KIRREL3: variants seen among roughly 807,000 people sequenced by gnomAD.
The protein encoded by KIRREL3 is kirre like nephrin family adhesion molecule 3, also known as kin of IRRE-like protein 3.
Under a neutral mutation model 89.7 loss-of-function variants are expected in KIRREL3, and 36 were observed. The observed-to-expected ratio is 0.40, with a 90% confidence interval of 0.31 to 0.53. The LOEUF is 0.53. Ranked by LOEUF, KIRREL3 falls within the 20% of genes least tolerant of loss-of-function variation. The probability of loss-of-function intolerance (pLI) is 0.49; values close to 1 mark genes in which losing one functional copy is unlikely to be tolerated. For synonymous variants in KIRREL3, 445 were observed against 441.4 expected (o/e 1.01, Z -0.10); for missense variants, 864 against 1,056.6 (o/e 0.82, Z 2.53).
intron 1 of KIRREL3, among the ~76,000 whole-genome samples, chr11:126,848,951 C>T (rs950644867): frequency 6.6e-6 from 1 of 152,156 alleles, no homozygotes; most frequent in African/African-American, 2.4e-5. Flanking sequence ...TAAGAGTTCT[C>T]TTATAAAAGG....
rs1280447079 is a variant in KIRREL3, at chr11:126,715,099, C to T, written c.56-152187G>A. ...CTAATGATCAGGTTCTTGTGCAAGCCTGTGACACTTTCACCTTGTGACAAT... is the reference window on the plus strand; with the variant it reads ...CTAATGATCAGGTTCTTGTGCAAGCTTGTGACACTTTCACCTTGTGACAAT... On this transcript the variant is annotated intron_variant, in intron 1 of 16. Coordinates refer to ENST00000525144, the MANE Select transcript of KIRREL3 (RefSeq NM_032531.4). The surrounding 1 kb of genome is among the most constrained non-coding windows in gnomAD (Gnocchi z 4.4). Among the ~76,000 whole-genome samples the T allele has an allele frequency of 6.6e-6, 1 of 152,206 alleles. No homozygotes were observed. The highest frequency in any genetic ancestry group is 1.5e-5 in the Non-Finnish European group (1 of 68,038).
rs1957878972 is a variant in KIRREL3 at position 126,501,941 on chromosome 11, C to A, written c.433+19374G>T. Among the ~76,000 whole-genome samples, 1 of 152,186 alleles carries A rather than the reference C, an allele frequency of 6.6e-6. No individual in the cohort carries two copies. Among genetic ancestry groups the A allele is most frequent in the South Asian group, 2.1e-4 (1 of 4,834 alleles). On this transcript the variant is annotated intron_variant, in intron 4 of 16. Transcript: ENST00000525144. The surrounding 1 kb of genome is among the most constrained non-coding windows in gnomAD (Gnocchi z 5.8). ...ACGAGTGGGGACTGGTGGGCCACAT[C>A]CCGCCCAAGGGAGCAGCCATTACAT...
chr11:126,737,827 G>A (rs909589399), intron 1 of KIRREL3, among the ~76,000 whole-genome samples: 1 of 152,106 alleles, frequency 6.6e-6, no homozygotes, highest in African/African-American at 2.4e-5. Context: ...CGGGATAACT[G>A]GTATCCATCA....
intron 1 of KIRREL3, among the ~76,000 whole-genome samples, chr11:126,878,233 G>A (rs1263430852): frequency 6.6e-6 from 1 of 152,132 alleles, no homozygotes; most frequent in Admixed American, 6.6e-5. Flanking sequence ...AAACTTTACT[G>A]CAGAGTTAAA....
rs968916431 is a variant in KIRREL3 at position 126,496,388 on chromosome 11, A to G, written c.434-22922T>C. ...GAAGAAACTGAGGGTCAGAGAGGCT[A>G]AGTGATTTGGACAAGGGTACACAGC... On this transcript the variant is annotated intron_variant, in intron 4 of 16. Coordinates refer to ENST00000525144, the MANE Select transcript of KIRREL3 (RefSeq NM_032531.4). This position sits in a 1 kb window ranked among gnomAD's most constrained non-coding sequence, Gnocchi z 4.9. Among the ~76,000 whole-genome samples, 1 of 152,186 alleles carries G rather than the reference A, an allele frequency of 6.6e-6. No homozygotes were observed. Among genetic ancestry groups the G allele is most frequent in the African/African-American group, 2.4e-5 (1 of 41,454 alleles).
At chr11:126,949,667 T>C (rs1275384665) in intron 1 of KIRREL3, among the ~76,000 whole-genome samples, 1 of 152,204 alleles carries the variant, frequency 6.6e-6, no homozygotes, top group Non-Finnish European at 1.5e-5. Context: ...TAGAAAGGCA[T>C]TCTCTTCTGC....
At chr11:126,536,223 C>T (rs1334379895) in intron 2 of KIRREL3, among the ~76,000 whole-genome samples, 3 of 152,024 alleles carry the variant, frequency 2.0e-5, no homozygotes, top group Non-Finnish European at 4.4e-5. Context: ...TGATCTGGTT[C>T]GTCTTTGGGG....
intron 1 of KIRREL3, among the ~76,000 whole-genome samples, chr11:126,618,340 G>A (rs554270960): frequency 3.9e-5 from 6 of 152,170 alleles, no homozygotes; most frequent in Non-Finnish European, 7.3e-5. Context: ...ATTCATGTGC[G>A]CAGAAACCGC....
At chr11:126,839,768 T>G (rs886930263) in intron 1 of KIRREL3, among the ~76,000 whole-genome samples, 2 of 152,226 alleles carry the variant, frequency 1.3e-5, no homozygotes, top group Non-Finnish European at 2.9e-5. Flanking sequence ...CGGTAATGTT[T>G]TATGTATTAC....
At position 126,994,199 on chromosome 11, in the gene KIRREL3, G is replaced by A. The variant is rs1950116121; in HGVS notation, c.55+6256C>T. ...ATTTAACATTAAGTGGTGTGTGCGTGTGTGTGTGTGTATGTGTTCAGTAGG... is the reference window on the plus strand; with the variant it reads ...ATTTAACATTAAGTGGTGTGTGCGTATGTGTGTGTGTATGTGTTCAGTAGG... On this transcript the variant is annotated intron_variant, in intron 1 of 16. Coordinates refer to ENST00000525144, the MANE Select transcript of KIRREL3 (RefSeq NM_032531.4). This position sits in a 1 kb window ranked among gnomAD's most constrained non-coding sequence, Gnocchi z 5.2. Among the ~76,000 whole-genome samples the A allele has an allele frequency of 6.6e-6, 1 of 151,842 alleles. No homozygotes were observed. The highest frequency in any genetic ancestry group is 2.1e-4 in the South Asian group (1 of 4,822).
At chr11:126,828,241 C>G (rs1400323416) in intron 1 of KIRREL3, among the ~76,000 whole-genome samples, 1 of 152,160 alleles carries the variant, frequency 6.6e-6, no homozygotes. Context: ...TCCCAACGCC[C>G]ACCCCCTAGA....
intron 1 of KIRREL3, among the ~76,000 whole-genome samples, chr11:126,695,076 A>G (rs1472613593): frequency 6.6e-6 from 1 of 152,194 alleles, no homozygotes; most frequent in Non-Finnish European, 1.5e-5. Flanking sequence ...TCTGCGAGCC[A>G]TCTATGACAG....
In KIRREL3 at chr11:126,923,176, C is replaced by CTTCTTCTTCTTCTTCTTCTTCTTT. The variant is rs766266024; in HGVS notation, c.55+77278_55+77279insAAAGAAGAAGAAGAAGAAGAAGAA. On this transcript the variant is annotated intron_variant, in intron 1 of 16. Coordinates refer to ENST00000525144, the MANE Select transcript of KIRREL3 (RefSeq NM_032531.4). ...TCTTCTTCTTCTTCTTCTTCTTCTT[C>CTTCTTCTTCTTCTTCTTCTTCTTT]TCTTCTTCTTCTCTTCTTCTTCTTC... 7.8e-4 allele frequency among the ~76,000 whole-genome samples: 14 copies of CTTCTTCTTCTTCTTCTTCTTCTTT among 17,996 alleles called. 5 individuals are homozygous for CTTCTTCTTCTTCTTCTTCTTCTTT. The highest frequency in any genetic ancestry group is 2.7e-3 in the South Asian group (1 of 372). The allele number at this position is 17,996 out of a possible 152,430, so 11.8% of individuals were successfully genotyped here.
In KIRREL3 at chr11:126,704,918, T is replaced by C. The variant is rs544810466; in HGVS notation, c.56-142006A>G. ...CCATGGGATGAAAGCCTCTGCCCTG[T>C]ATGTCTGGCCACCTTGCTAAAAACT... On this transcript the variant is annotated intron_variant, in intron 1 of 16. Coordinates refer to ENST00000525144, the MANE Select transcript of KIRREL3 (RefSeq NM_032531.4). This position sits in a 1 kb window ranked among gnomAD's most constrained non-coding sequence, Gnocchi z 4.2. 1.3e-5 allele frequency among the ~76,000 whole-genome samples: 2 copies of C among 152,312 alleles called. No homozygotes were observed. Among genetic ancestry groups the C allele is most frequent in the Non-Finnish European group, 2.9e-5 (2 of 68,030 alleles).
chr11:126,432,674 C>G lies in KIRREL3; in HGVS notation c.1589-1148G>C, dbSNP rs1028269215. Among the ~76,000 whole-genome samples the G allele has an allele frequency of 6.6e-6, 1 of 152,086 alleles. No homozygotes were observed. Among genetic ancestry groups the G allele is most frequent in the African/African-American group, 2.4e-5 (1 of 41,418 alleles). ...CGGTACCGCCCAGACTGCTGCTGCTCCGAGTCCTGGCTCCATCCCTTCTGC... is the reference window on the plus strand; with the variant it reads ...CGGTACCGCCCAGACTGCTGCTGCTGCGAGTCCTGGCTCCATCCCTTCTGC... On this transcript the variant is annotated intron_variant, in intron 13 of 16. Transcript: ENST00000525144. The surrounding 1 kb of genome is among the most constrained non-coding windows in gnomAD (Gnocchi z 6.2).
At chr11:126,735,780 C>A (rs1382774356) in intron 1 of KIRREL3, among the ~76,000 whole-genome samples, 2 of 152,204 alleles carry the variant, frequency 1.3e-5, no homozygotes, top group African/African-American at 2.4e-5. Context: ...TGAACAAATC[C>A]AGCTAAAAAT....
At chr11:126,770,800 T>C (rs1057167154) in intron 1 of KIRREL3, among the ~76,000 whole-genome samples, 36 of 152,078 alleles carry the variant, frequency 2.4e-4, no homozygotes, top group Non-Finnish European at 2.9e-4. Flanking sequence ...CAGCACTCAT[T>C]GAAGATGGAA....
At chr11:126,722,196 C>G (rs1948201679) in intron 1 of KIRREL3, among the ~76,000 whole-genome samples, 1 of 152,242 alleles carries the variant, frequency 6.6e-6, no homozygotes, top group African/African-American at 2.4e-5. Context: ...TTCCAGTCAT[C>G]AGCCCTTGGC....
chr11:126,614,891 G>A lies in KIRREL3; in HGVS notation c.56-51979C>T, dbSNP rs1040750623. Among the ~76,000 whole-genome samples the A allele has an allele frequency of 5.9e-5, 9 of 152,128 alleles. No homozygotes were observed. Among genetic ancestry groups the A allele is most frequent in the South Asian group, 2.1e-4 (1 of 4,820 alleles). ...CTGAGAAGATGGATGAGCTGGGGCC[G>A]GTAAAATAGCTTTGTTCCTTGGAGA... is the stretch of plus-strand genomic sequence containing the variant. On this transcript the variant is annotated intron_variant, in intron 1 of 16. Transcript: ENST00000525144. This position sits in a 1 kb window ranked among gnomAD's most constrained non-coding sequence, Gnocchi z 4.6.
Sources: allele counts gnomAD v4.1 joint callset (sites outside exome capture counted in the v4.1 genomes callset), GRCh38; gene constraint gnomAD v4.1.1; non-coding constraint Gnocchi (gnomAD v3.1); transcripts MANE v1.5; gene names NCBI Gene and HGNC (gene_info 2026-07-23, HGNC 2026-07-21).